FRMD3: variants seen among roughly 807,000 people sequenced by gnomAD.
FRMD3 encodes the protein FERM domain-containing protein 3.
Under a neutral mutation model 70.2 loss-of-function variants are expected in FRMD3, and 33 were observed. The observed-to-expected ratio is 0.47, with a 90% confidence interval of 0.36 to 0.63. FRMD3 has a LOEUF of 0.63. Ranked by LOEUF, FRMD3 falls within the 20% of genes least tolerant of loss-of-function variation. The pLI is 0.00. For missense variants in FRMD3, 632 were observed against 711.4 expected, an observed-to-expected ratio of 0.89 and a Z score of 1.27; for synonymous variants, 279 against 255.9, an observed-to-expected ratio of 1.09 and a Z score of -0.86.
At chr9:83,407,931 T>C (rs909940094) in intron 1 of FRMD3, among the ~76,000 whole-genome samples, 5 of 138,152 alleles carry the variant, frequency 3.6e-5, no homozygotes, top group South Asian at 2.2e-4. Flanking sequence ...CCCCTTTCTC[T>C]TTCTCTTTCT....
intron 1 of FRMD3, among the ~76,000 whole-genome samples, chr9:83,442,866 T>G (rs998243211): frequency 1.3e-5 from 2 of 152,220 alleles, no homozygotes; most frequent in African/African-American, 2.4e-5. Flanking sequence ...TTGATATTCC[T>G]TCTAAACCAA....
rs535918362 is a variant in FRMD3, at chr9:83,267,346, C to G, written c.1196-18830G>C. On this transcript the variant is annotated intron_variant, in intron 13 of 13. Transcript: ENST00000304195. ...GGACGCTATTTTTAAACTCTCCACT[C>G]ACCCCTCTAACAAACAATGAAAGAT... 44 of 1,378,744 alleles carry G rather than the reference C, an allele frequency of 3.2e-5. No homozygotes were observed. In the African/African-American group the frequency reaches 6.2e-4, roughly 20 times the overall value. The allele number at this position is 1,378,744 out of a possible 1,614,324, so 85.4% of individuals were successfully genotyped here.
At chr9:83,397,268 C>T (rs987143399) in intron 1 of FRMD3, among the ~76,000 whole-genome samples, 1 of 152,316 alleles carries the variant, frequency 6.6e-6, no homozygotes, top group African/African-American at 2.4e-5. Context: ...TTGTCTTCCG[C>T]TTCTTCCATT....
chr9:83,368,087 T>C (rs994963007), intron 3 of FRMD3, among the ~76,000 whole-genome samples: 1 of 152,170 alleles, frequency 6.6e-6, no homozygotes, highest in Non-Finnish European at 1.5e-5. Context: ...TTACATCCTG[T>C]ATGATATTGA....
chr9:83,422,178 T>C (rs1826666216), intron 1 of FRMD3, among the ~76,000 whole-genome samples: 1 of 151,962 alleles, frequency 6.6e-6, no homozygotes, highest in Admixed American at 6.5e-5. Context: ...TGAGCCAAGA[T>C]TGTGCCACTG....
chr9:83,285,398 C>A (rs1000896220), intron 13 of FRMD3, among the ~76,000 whole-genome samples: 1 of 152,176 alleles, frequency 6.6e-6, no homozygotes, highest in African/African-American at 2.4e-5. Context: ...ACCCTTTAAT[C>A]TAACACCCAT....
intron 2 of FRMD3, among the ~76,000 whole-genome samples, chr9:83,386,154 T>C (rs764015362): frequency 6.6e-6 from 1 of 152,184 alleles, no homozygotes; most frequent in African/African-American, 2.4e-5. Context: ...ATAGGCTGCA[T>C]AGCTTGGTCA....
chr9:83,486,011 A>G (rs1178184694), intron 1 of FRMD3, among the ~76,000 whole-genome samples: 1 of 151,992 alleles, frequency 6.6e-6, no homozygotes, highest in African/African-American at 2.4e-5. Context: ...ATATACATAT[A>G]CTATGTATAT....
chr9:83,330,098 C>T (rs1422128216), intron 6 of FRMD3, among the ~76,000 whole-genome samples: 5 of 152,116 alleles, frequency 3.3e-5, no homozygotes, highest in African/African-American at 1.2e-4. Context: ...GGCATGGTGG[C>T]TCACACCTAT....
chr9:83,381,077 A>G (rs989138411), intron 2 of FRMD3, among the ~76,000 whole-genome samples: 1 of 152,158 alleles, frequency 6.6e-6, no homozygotes, highest in Non-Finnish European at 1.5e-5. Context: ...ATGCCATCTG[A>G]TGAATGTAGC....
At chr9:83,449,467 G>A (rs1314741608) in intron 1 of FRMD3, among the ~76,000 whole-genome samples, 1 of 152,180 alleles carries the variant, frequency 6.6e-6, no homozygotes, top group Non-Finnish European at 1.5e-5. Context: ...TTTACATGAA[G>A]AGCCATATTT....
At chr9:83,555,709 C>T in the FRMD3 span, among the ~76,000 whole-genome samples, 1 of 152,204 alleles carries the variant, frequency 6.6e-6, no homozygotes, top group Non-Finnish European at 1.5e-5. Context: ...TCCCACTTTG[C>T]TGGAGCTGCA....
Position 83,248,280 on chromosome 9 carries a change from C to T in FRMD3, c.1432G>A (p.Glu478Lys). The T allele has an allele frequency of 6.2e-7, 1 of 1,614,220 alleles. No individual in the cohort carries two copies. The highest frequency in any genetic ancestry group is 2.2e-5 in the East Asian group (1 of 44,878). ...DCPSRLELER[E>K]DTDSFEDLEA... ...AGATCCTCAAATGAATCTGTGTCTT[C>T]TCTTTCCAACTCAAGCCTAGAAGGA... is the stretch of plus-strand genomic sequence containing the variant. The change falls in exon 14 of 14, where the codon GAA (glutamate) becomes AAA (lysine). Residue 478 changes from glutamate (E) to lysine (K), a missense_variant. Physicochemically the swap from Glu to Lys is moderately conservative, Grantham distance 56 (BLOSUM62 1). This residue lies in a region of FRMD3 where 418 missense variants were observed against 442.1 expected (regional missense o/e 0.95). Transcript: ENST00000304195.
rs117338507 is a variant in FRMD3 at position 83,475,167 on chromosome 9, G to T, written c.147+62918C>A. Among the ~76,000 whole-genome samples the T allele has an allele frequency of 1.1e-3, 167 of 152,152 alleles. 1 individual carries two copies. Among genetic ancestry groups the T allele is most frequent in the Non-Finnish European group, 2.2e-3 (149 of 68,004 alleles). The stretch of plus-strand genomic sequence containing the variant: ...CAATAGGAAAAAAAAGCAGACAACA[G>T]AAACAGATTCACAGGTGATCTAGAT... On this transcript the variant is annotated intron_variant, in intron 1 of 13. Transcript: ENST00000304195.
rs781718863 is a variant in FRMD3 at position 83,349,747 on chromosome 9, T to A, written c.306A>T (p.Pro102=). 2.5e-6 allele frequency: 4 copies of A among 1,610,452 alleles called. No individual in the cohort carries two copies. Among genetic ancestry groups the A allele is most frequent in the Non-Finnish European group, 3.4e-6 (4 of 1,177,572 alleles). ...ATTTCACTCTAAAGCACATGGTGTATGGTGGATGAGCTGAAACATCATAAA... is the reference window on the plus strand; with the variant it reads ...ATTTCACTCTAAAGCACATGGTGTAAGGTGGATGAGCTGAAACATCATAAA... ...SIFKQMKTHP[P]YTMCFRVKFY... The change falls in exon 4 of 14, where the codon CCA becomes CCT. Residue 102 remains proline, a synonymous_variant. Coordinates refer to ENST00000304195, the MANE Select transcript of FRMD3 (RefSeq NM_174938.6).
chr9:83,254,410 CAAAAACA>C (rs375618038), intron 13 of FRMD3, among the ~76,000 whole-genome samples: 1 of 150,784 alleles, frequency 6.6e-6, no homozygotes, highest in East Asian at 1.9e-4. Context: ...CTTTCACTTA[CAAAAACA>C]AAAAACAAAA....
intron 13 of FRMD3, among the ~76,000 whole-genome samples, chr9:83,270,396 G>C (rs940387895): frequency 3.9e-5 from 6 of 152,190 alleles, no homozygotes; most frequent in Non-Finnish European, 7.3e-5. Flanking sequence ...ACACAGATCC[G>C]GGGAAAGGCA....
At chr9:83,502,577 C>A (rs1829094677) in intron 1 of FRMD3, among the ~76,000 whole-genome samples, 1 of 152,042 alleles carries the variant, frequency 6.6e-6, no homozygotes, top group Non-Finnish European at 1.5e-5. Context: ...TGGAAGAGGT[C>A]AAGTGAGGTG....
intron 3 of FRMD3, among the ~76,000 whole-genome samples, chr9:83,360,280 A>G (rs1399065949): frequency 6.6e-6 from 1 of 152,196 alleles, no homozygotes; most frequent in Non-Finnish European, 1.5e-5. Flanking sequence ...AGAAATAACA[A>G]CTGTAACAGA....
Sources: gnomAD v4.1 joint callset for allele counts (sites outside exome capture counted in the v4.1 genomes callset) on GRCh38, gnomAD v4.1.1 for gene constraint, gnomAD v4.1.1 regional missense constraint, MANE v1.5 for transcripts, NCBI Gene and HGNC (gene_info 2026-07-23, HGNC 2026-07-21) for gene names.